Variants in CSMD1 observed in about 807,000 individuals in gnomAD.
The protein encoded by CSMD1 is CUB and sushi domain-containing protein 1.
In CSMD1, 213 loss-of-function variants were observed where a neutral mutation model predicts 417.5. The observed-to-expected ratio is 0.51, with a 90% CI of 0.46 to 0.57. The LOEUF (loss-of-function observed/expected upper bound fraction) is 0.57. CSMD1 is among the 20% of genes least tolerant of loss of function. The pLI is 0.00. For missense variants in CSMD1, 6,923 were observed against 4,529.7 expected, an observed-to-expected ratio of 1.53 and a Z score of -15.17; for synonymous variants, 2,862 against 1,736.8, an observed-to-expected ratio of 1.65 and a Z score of -16.11.
intron 3 of CSMD1, among the ~76,000 whole-genome samples, chr8:4,226,696 G>A (rs554728629): frequency 6.1e-4 from 92 of 151,514 alleles, no homozygotes; most frequent in Non-Finnish European, 1.0e-3. Context: ...AAAATTTTAC[G>A]TCCTCTTTAA....
chr8:4,839,640 C>A (rs966979630), intron 1 of CSMD1, among the ~76,000 whole-genome samples: 1 of 152,140 alleles, frequency 6.6e-6, no homozygotes, highest in Non-Finnish European at 1.5e-5. Context: ...TTGTTCCTCA[C>A]ACATGGTTGG....
intron 6 of CSMD1, among the ~76,000 whole-genome samples, chr8:3,726,175 A>G (rs1446018950): frequency 6.6e-6 from 1 of 152,098 alleles, no homozygotes; most frequent in African/African-American, 2.4e-5. Flanking sequence ...TCTCCACACG[A>G]ATCAGCTCTT....
intron 12 of CSMD1, among the ~76,000 whole-genome samples, chr8:3,423,877 G>C (rs1296183322): frequency 2.0e-5 from 3 of 152,118 alleles, no homozygotes; most frequent in Non-Finnish European, 4.4e-5. Context: ...TACGGCACGA[G>C]CTGCTTGTGT....
At chr8:3,017,504 T>C (rs555414748) in intron 52 of CSMD1, among the ~76,000 whole-genome samples, 11 of 152,280 alleles carry the variant, frequency 7.2e-5, no homozygotes, top group Middle Eastern at 3.4e-3. Flanking sequence ...ATATATTACA[T>C]AATACACTAG....
At chr8:3,990,096 C>G (rs896354924) in intron 5 of CSMD1, among the ~76,000 whole-genome samples, 1 of 152,096 alleles carries the variant, frequency 6.6e-6, no homozygotes, top group African/African-American at 2.4e-5. Context: ...CCTCAGAAGG[C>G]AGAGTGTTTT....
chr8:3,664,936 G>C (rs1272134172), intron 7 of CSMD1, among the ~76,000 whole-genome samples: 2 of 152,074 alleles, frequency 1.3e-5, no homozygotes, highest in Non-Finnish European at 2.9e-5. Flanking sequence ...TTTTGTCTCT[G>C]TGCGTCAAAG....
chr8:3,609,390 C>G (rs945821760), intron 8 of CSMD1, among the ~76,000 whole-genome samples: 1 of 152,114 alleles, frequency 6.6e-6, no homozygotes, highest in African/African-American at 2.4e-5. Context: ...AGACAGTGGT[C>G]TATGGTGAAA....
At chr8:3,216,679 G>T (rs1435017450) in intron 29 of CSMD1, among the ~76,000 whole-genome samples, 5 of 152,120 alleles carry the variant, frequency 3.3e-5, no homozygotes, top group African/African-American at 1.2e-4. Flanking sequence ...CTTACAATTT[G>T]CCAGGCTTCT....
At chr8:4,518,548 T>C (rs1803248624) in intron 2 of CSMD1, among the ~76,000 whole-genome samples, 2 of 142,330 alleles carry the variant, frequency 1.4e-5, no homozygotes, top group South Asian at 2.2e-4. Flanking sequence ...CTCTCACTCA[T>C]AGGTGGGAAT....
intron 54 of CSMD1, among the ~76,000 whole-genome samples, chr8:2,986,044 G>A (rs114000180): frequency 0.011 from 1,636 of 145,664 alleles, 44 homozygotes; most frequent in African/African-American, 0.044. Flanking sequence ...CTCCATAGAA[G>A]AAGGAAGGAA....
chr8:4,090,609 G>C (rs947025308), intron 3 of CSMD1, among the ~76,000 whole-genome samples: 1 of 152,092 alleles, frequency 6.6e-6, no homozygotes, highest in Non-Finnish European at 1.5e-5. Context: ...TGTGATACAC[G>C]AATTCTCAGA....
intron 1 of CSMD1, among the ~76,000 whole-genome samples, chr8:4,983,476 A>C (rs900900599): frequency 6.6e-6 from 1 of 152,230 alleles, no homozygotes; most frequent in Non-Finnish European, 1.5e-5. Context: ...AGATTTATGA[A>C]GTCCAAACAA....
chr8:3,481,918 C>T (rs1309597682), intron 11 of CSMD1, among the ~76,000 whole-genome samples: 1 of 152,102 alleles, frequency 6.6e-6, no homozygotes, highest in Non-Finnish European at 1.5e-5. Flanking sequence ...CTGTTTTGAG[C>T]CACCAAGTTT....
At chr8:3,815,703 T>C (rs1224291227) in intron 5 of CSMD1, among the ~76,000 whole-genome samples, 3 of 151,964 alleles carry the variant, frequency 2.0e-5, no homozygotes, top group Admixed American at 6.6e-5. Context: ...GACTTTTTCA[T>C]ACTCTGAATT....
intron 3 of CSMD1, among the ~76,000 whole-genome samples, chr8:4,243,397 A>G (rs1802516008): frequency 6.6e-6 from 1 of 151,890 alleles, no homozygotes; most frequent in South Asian, 2.1e-4. Context: ...GGAGAGAATG[A>G]CTCATCCTCT....
At chr8:4,749,058 G>C (rs1367210438) in intron 1 of CSMD1, among the ~76,000 whole-genome samples, 4 of 150,208 alleles carry the variant, frequency 2.7e-5, no homozygotes, top group East Asian at 1.9e-4. Flanking sequence ...CTGTGTGCGT[G>C]TGTGTGTGTG....
chr8:3,083,293 A>T (rs1814246555), intron 49 of CSMD1, among the ~76,000 whole-genome samples: 1 of 151,946 alleles, frequency 6.6e-6, no homozygotes, highest in Non-Finnish European at 1.5e-5. Context: ...GTAAATTAAA[A>T]TTACTAATTA....
chr8:3,355,507 C>G (rs1234699421), intron 21 of CSMD1, among the ~76,000 whole-genome samples: 2 of 152,150 alleles, frequency 1.3e-5, no homozygotes, highest in Non-Finnish European at 2.9e-5. Flanking sequence ...AATGACTGCT[C>G]AGGAATAGGC....
intron 4 of CSMD1, among the ~76,000 whole-genome samples, chr8:4,007,728 A>C (rs1023250217): frequency 5.9e-5 from 9 of 151,656 alleles, no homozygotes; most frequent in African/African-American, 2.2e-4. Context: ...TGGCTTTCCT[A>C]CAGTTATATC....
Sources: gnomAD v4.1 joint callset for allele counts (sites outside exome capture counted in the v4.1 genomes callset) on GRCh38, gnomAD v4.1.1 for gene constraint, MANE v1.5 for transcripts, NCBI Gene and HGNC (gene_info 2026-07-23, HGNC 2026-07-21) for gene names.